The following CADM2 variants were observed in gnomAD, a reference collection of about 807,000 sequenced individuals.
The protein encoded by CADM2 is cell adhesion molecule 2.
In CADM2, 12 loss-of-function variants were observed where a neutral mutation model predicts 49.8. That is an observed-to-expected ratio of 0.24 (90% CI 0.15 to 0.39). The LOEUF is 0.39. CADM2 is among the 10% of genes least tolerant of loss of function. The pLI is 1.00. For missense variants in CADM2, 378 were observed against 492.3 expected (o/e 0.77, Z 2.20); for synonymous variants, 214 against 175.4 (o/e 1.22, Z -1.74).
intron 3 of CADM2, among the ~76,000 whole-genome samples, chr3:85,867,794 A>G (rs2075779455): frequency 6.6e-6 from 1 of 152,104 alleles, no homozygotes; most frequent in Non-Finnish European, 1.5e-5. Flanking sequence ...TGATAAAAAC[A>G]GTGAATCGGC....
chr3:85,495,650 C>G (rs988026326), intron 1 of CADM2, among the ~76,000 whole-genome samples: 1 of 151,916 alleles, frequency 6.6e-6, no homozygotes, highest in African/African-American at 2.4e-5. Flanking sequence ...GCAGGTTGTA[C>G]GAGAAGCTTG....
At chr3:85,232,269 A>G (rs1198270969) in intron 1 of CADM2, among the ~76,000 whole-genome samples, 1 of 152,044 alleles carries the variant, frequency 6.6e-6, no homozygotes, top group East Asian at 1.9e-4. Context: ...ACTGCCAGGG[A>G]AAGATCCTTG....
chr3:85,282,458 G>A (rs1333967234), intron 1 of CADM2, among the ~76,000 whole-genome samples: 1 of 143,106 alleles, frequency 7.0e-6, no homozygotes, highest in Non-Finnish European at 1.5e-5. Flanking sequence ...TTTCAGTAGA[G>A]ACAGGGTTTC....
At chr3:85,056,472 T>G (rs1381930430) in intron 1 of CADM2, among the ~76,000 whole-genome samples, 1 of 152,072 alleles carries the variant, frequency 6.6e-6, no homozygotes, top group Non-Finnish European at 1.5e-5. Context: ...TATTCAGGTT[T>G]AATTATAAGT....
chr3:85,218,564 G>C (rs544774445), intron 1 of CADM2, among the ~76,000 whole-genome samples: 1 of 152,142 alleles, frequency 6.6e-6, no homozygotes, highest in Admixed American at 6.6e-5. Flanking sequence ...TTTGGAGCCC[G>C]AGGTGGGTGG....
intron 1 of CADM2, among the ~76,000 whole-genome samples, chr3:85,724,042 AT>A (rs1490949557): frequency 6.6e-6 from 1 of 152,020 alleles, no homozygotes; most frequent in African/African-American, 2.4e-5. Context: ...CACACAAAAA[AT>A]AACTAAATAA....
intron 3 of CADM2, among the ~76,000 whole-genome samples, chr3:85,843,897 TG>T (rs915915212): frequency 8.6e-5 from 13 of 150,796 alleles, no homozygotes; most frequent in African/African-American, 2.7e-4. Context: ...TATGTGTGTG[TG>T]GGGGGGGAGC....
chr3:85,100,124 C>T (rs2037956669), intron 1 of CADM2, among the ~76,000 whole-genome samples: 1 of 152,076 alleles, frequency 6.6e-6, no homozygotes, highest in Admixed American at 6.6e-5. Context: ...AACAGTGTTC[C>T]ACTATTTTAA....
At chr3:85,825,661 G>A (rs576979830) in intron 3 of CADM2, among the ~76,000 whole-genome samples, 3 of 152,014 alleles carry the variant, frequency 2.0e-5, no homozygotes, top group South Asian at 2.1e-4. Context: ...GCTATCTGTA[G>A]GATTTGGAAT....
At chr3:85,860,516 C>T (rs1022317565) in intron 3 of CADM2, among the ~76,000 whole-genome samples, 15 of 152,078 alleles carry the variant, frequency 9.9e-5, no homozygotes, top group African/African-American at 2.7e-4. Flanking sequence ...TTATAAACAA[C>T]GGAAGTTTAT....
intron 2 of CADM2, among the ~76,000 whole-genome samples, chr3:85,747,768 C>G (rs952064462): frequency 2.0e-5 from 3 of 152,046 alleles, no homozygotes; most frequent in African/African-American, 7.2e-5. Context: ...TCATAAATAA[C>G]CACAGTCTCA....
intron 1 of CADM2, among the ~76,000 whole-genome samples, chr3:85,284,202 G>A (rs995838622): frequency 1.3e-5 from 2 of 152,072 alleles, no homozygotes; most frequent in African/African-American, 4.8e-5. Context: ...CCTTTGAAAA[G>A]TTAGCTCTAA....
intron 1 of CADM2, among the ~76,000 whole-genome samples, chr3:85,315,726 A>G (rs1559775376): frequency 6.6e-6 from 1 of 152,216 alleles, no homozygotes. Context: ...CTTATCAAAT[A>G]TGATATAGCA....
At chr3:85,634,364 G>A (rs143502768) in intron 1 of CADM2, among the ~76,000 whole-genome samples, 2 of 152,072 alleles carry the variant, frequency 1.3e-5, no homozygotes, top group African/African-American at 2.4e-5. Flanking sequence ...CTACTGAACT[G>A]AAGACATTGC....
intron 1 of CADM2, among the ~76,000 whole-genome samples, chr3:85,444,358 T>C (rs561383565): frequency 6.6e-6 from 1 of 151,910 alleles, no homozygotes; most frequent in Non-Finnish European, 1.5e-5. Context: ...AATAAAAATA[T>C]TAAAACTGGA....
In CADM2 at chr3:85,726,545, A is replaced by C; in HGVS notation, c.85A>C (p.Lys29Gln). The change falls in exon 2 of 10, where the codon AAA becomes CAA. Residue 29 changes from lysine to glutamine, a missense_variant. Transcript: ENST00000383699. ...AGCGGCTGCTTCAAAGAATAAAGTT[A>C]AAGGTGAGCTCCTGTTTATTCTGCA... ...LQAAASKNKVKGSQGQFPLTQ... is the reference protein window; with the variant it reads ...LQAAASKNKVQGSQGQFPLTQ... The C allele has an allele frequency of 6.2e-7, 1 of 1,611,322 alleles. No homozygotes were observed. The highest frequency in any genetic ancestry group is 8.5e-7 in the Non-Finnish European group (1 of 1,177,950).
chr3:85,198,311 C>G (rs1269394478), intron 1 of CADM2, among the ~76,000 whole-genome samples: 5 of 151,500 alleles, frequency 3.3e-5, no homozygotes, highest in Non-Finnish European at 5.9e-5. Flanking sequence ...TAATTTTTAG[C>G]AATATTAGAA....
intron 1 of CADM2, among the ~76,000 whole-genome samples, chr3:85,222,326 A>T (rs1576153815): frequency 6.6e-6 from 1 of 152,310 alleles, no homozygotes; most frequent in East Asian, 1.9e-4. Flanking sequence ...ACATGGCAGG[A>T]GTATTAAGAC....
intron 1 of CADM2, among the ~76,000 whole-genome samples, chr3:85,120,306 C>A (rs1472737392): frequency 6.6e-6 from 1 of 152,098 alleles, no homozygotes; most frequent in Non-Finnish European, 1.5e-5. Context: ...CCAGAAATAC[C>A]ATTTGACCCA....
Sources: allele counts gnomAD v4.1 joint callset (sites outside exome capture counted in the v4.1 genomes callset), GRCh38; gene constraint gnomAD v4.1.1; transcripts MANE v1.5; gene names NCBI Gene and HGNC (gene_info 2026-07-23, HGNC 2026-07-21).